Variants in WWOX observed in about 807,000 individuals in gnomAD.
The protein encoded by WWOX is WW domain-containing oxidoreductase.
A neutral mutation model predicts 46.2 loss-of-function variants in WWOX; 69 were observed. The ratio of observed to expected loss-of-function variants is 1.49; its 90% CI spans 1.23 to 1.82. The LOEUF (loss-of-function observed/expected upper bound fraction) is 1.82. Ranked by LOEUF, WWOX falls within the 40% of genes most tolerant of loss-of-function variation. The pLI is 0.00. For missense variants in WWOX, 919 were observed against 542.6 expected, an observed-to-expected ratio of 1.69 and a Z score of -6.89; for synonymous variants, 359 against 202.6, an observed-to-expected ratio of 1.77 and a Z score of -6.56.
intron 8 of WWOX, among the ~76,000 whole-genome samples, chr16:78,512,663 T>C (rs77762568): frequency 1.8e-3 from 279 of 152,350 alleles, no homozygotes; most frequent in Non-Finnish European, 3.1e-3. Context: ...GGGACTTCAA[T>C]GAGACTCATT....
At chr16:78,143,427 C>T (rs962875885) in intron 4 of WWOX, among the ~76,000 whole-genome samples, 2 of 152,110 alleles carry the variant, frequency 1.3e-5, no homozygotes, top group Non-Finnish European at 2.9e-5. Context: ...CAGATTGTGG[C>T]ACGTGGACCA....
intron 8 of WWOX, among the ~76,000 whole-genome samples, chr16:78,662,778 AGATGTAGT>A (rs1370834839): frequency 2.0e-5 from 3 of 152,088 alleles, no homozygotes; most frequent in Non-Finnish European, 4.4e-5. Context: ...GTTGTTGGCA[AGATGTAGT>A]GTTTTGGTGG....
chr16:78,702,120 A>ATATATATTTATT (rs1207718237), intron 8 of WWOX, among the ~76,000 whole-genome samples: 11 of 130,016 alleles, frequency 8.5e-5, no homozygotes, highest in African/African-American at 3.6e-4. Flanking sequence ...ATATATATAT[A>ATATATATTTATT]TATTTATTTA....
intron 8 of WWOX, among the ~76,000 whole-genome samples, chr16:78,533,957 C>G (rs755878033): frequency 1.3e-5 from 2 of 152,086 alleles, no homozygotes; most frequent in African/African-American, 2.4e-5. Context: ...GAGTAGTAAC[C>G]CTACATTCTA....
intron 8 of WWOX, among the ~76,000 whole-genome samples, chr16:79,092,044 G>T (rs1225482534): frequency 6.6e-6 from 1 of 152,036 alleles, no homozygotes; most frequent in Non-Finnish European, 1.5e-5. Context: ...GCCTCCCAAA[G>T]TGCTGGGATT....
intron 8 of WWOX, among the ~76,000 whole-genome samples, chr16:79,119,712 C>G (rs937241471): frequency 6.6e-6 from 1 of 152,196 alleles, no homozygotes; most frequent in African/African-American, 2.4e-5. Flanking sequence ...CCTCTGTACC[C>G]TTCTCTGAGA....
chr16:78,421,985 A>C (rs560508930), intron 6 of WWOX, among the ~76,000 whole-genome samples: 1 of 152,214 alleles, frequency 6.6e-6, no homozygotes, highest in Non-Finnish European at 1.5e-5. Flanking sequence ...ATACAAGATA[A>C]TACAAATATA....
intron 4 of WWOX, among the ~76,000 whole-genome samples, chr16:78,122,158 A>T (rs2033127776): frequency 6.6e-6 from 1 of 152,160 alleles, no homozygotes; most frequent in African/African-American, 2.4e-5. Flanking sequence ...GTATGTATGT[A>T]TAGGTGAAAG....
intron 8 of WWOX, among the ~76,000 whole-genome samples, chr16:78,633,074 C>T (rs1432904302): frequency 2.0e-5 from 3 of 151,974 alleles, no homozygotes; most frequent in Non-Finnish European, 4.4e-5. Context: ...AGCAATCTGG[C>T]CAACATGGTG....
chr16:78,195,584 G>C (rs1044555845), intron 5 of WWOX, among the ~76,000 whole-genome samples: 1 of 152,012 alleles, frequency 6.6e-6, no homozygotes, highest in African/African-American at 2.4e-5. Context: ...CACTTTGGGA[G>C]GCTAAGGTGG....
chr16:78,629,463 T>G (rs1402235976), intron 8 of WWOX, among the ~76,000 whole-genome samples: 1 of 152,180 alleles, frequency 6.6e-6, no homozygotes, highest in Non-Finnish European at 1.5e-5. Flanking sequence ...GTCATTTCTC[T>G]AAAATAGAAA....
rs8060920 is a variant in WWOX, at chr16:78,427,529, T to G, written c.791+2474T>G. On this transcript the variant is annotated intron_variant, in intron 7 of 8. Transcript: ENST00000566780. Reference sequence around the variant, plus strand: ...CCCACCCCACACACAAAATCACACATACACGCACGCACGCACACACACACA... The same window carrying G: ...CCCACCCCACACACAAAATCACACAGACACGCACGCACGCACACACACACA... Among the ~76,000 whole-genome samples the G allele has an allele frequency of 2.9e-3, 430 of 148,622 alleles. 7 individuals are homozygous for G. The highest frequency in any genetic ancestry group is 0.02 in the Admixed American group (301 of 15,084).
intron 5 of WWOX, among the ~76,000 whole-genome samples, chr16:78,244,704 G>T (rs7197837): frequency 0.016 from 2,386 of 152,172 alleles, 67 homozygotes; most frequent in African/African-American, 0.055. Flanking sequence ...CTTAGCCTTC[G>T]AGCAGTAGCA....
chr16:79,071,259 A>G (rs1450049984), intron 8 of WWOX, among the ~76,000 whole-genome samples: 3 of 152,234 alleles, frequency 2.0e-5, no homozygotes, highest in South Asian at 2.1e-4. Flanking sequence ...ATTACTTGCT[A>G]CATACATTTT....
At chr16:78,930,125 T>C (rs2045586668) in intron 8 of WWOX, among the ~76,000 whole-genome samples, 1 of 151,958 alleles carries the variant, frequency 6.6e-6, no homozygotes, top group South Asian at 2.1e-4. Context: ...ATGTGGGGTC[T>C]GGCAGAGAAA....
At position 78,521,103 on chromosome 16, in the gene WWOX, C is replaced by G. The variant is rs117573254; in HGVS notation, c.1056+88351C>G. ...GTTTAACTGCCCAGTGAAGAAATGA[C>G]TTCCTTGCTTTAAAACATTTGACAG... On this transcript the variant is annotated intron_variant, in intron 8 of 8. Coordinates refer to ENST00000566780, the MANE Select transcript of WWOX (RefSeq NM_016373.4). 9.8e-4 allele frequency among the ~76,000 whole-genome samples: 150 copies of G among 152,312 alleles called. 3 individuals are homozygous for G. The East Asian group carries it at 0.023, about 24-fold the overall frequency.
intron 8 of WWOX, among the ~76,000 whole-genome samples, chr16:79,184,673 G>A (rs1309179536): frequency 1.3e-5 from 2 of 152,210 alleles, no homozygotes; most frequent in Admixed American, 6.5e-5. Flanking sequence ...ACCCCGTGGT[G>A]ATTCATATCT....
chr16:78,668,453 G>T (rs2047384204), intron 8 of WWOX, among the ~76,000 whole-genome samples: 1 of 152,154 alleles, frequency 6.6e-6, no homozygotes, highest in South Asian at 2.1e-4. Flanking sequence ...TCTTTCCTTT[G>T]TATATCCACT....
Position 78,509,942 on chromosome 16 carries a change from G to GA in WWOX, c.1056+77193dup, listed in dbSNP as rs1019719588. Among the ~76,000 whole-genome samples, 475 of 137,204 alleles carry GA rather than the reference G, an allele frequency of 3.5e-3. 3 individuals are homozygous for GA. The highest frequency in any genetic ancestry group is 0.011 in the African/African-American group (416 of 38,024). The allele number at this position is 137,204 out of a possible 152,430, so 90.0% of individuals were successfully genotyped here. On this transcript the variant is annotated intron_variant, in intron 8 of 8. Coordinates refer to ENST00000566780, the MANE Select transcript of WWOX (RefSeq NM_016373.4). ...ATCTCTTTAAAAAAAAAAAAAAAAA[G>GA]AAAGAAAAATTAGCTGGCATGGTGG... is the stretch of plus-strand genomic sequence containing the variant.
Sources: gnomAD v4.1 joint callset for allele counts (sites outside exome capture counted in the v4.1 genomes callset) on GRCh38, gnomAD v4.1.1 for gene constraint, MANE v1.5 for transcripts, NCBI Gene and HGNC (gene_info 2026-07-23, HGNC 2026-07-21) for gene names.